Variants in PSME4 observed in about 807,000 individuals in gnomAD.
The protein encoded by PSME4 is proteasome activator subunit 4, also known as proteasome activator complex subunit 4.
PSME4 carries 89 observed loss-of-function variants against 253.9 expected under a neutral mutation model. The ratio of observed to expected loss-of-function variants is 0.35; its 90% CI spans 0.30 to 0.42. PSME4 has a LOEUF of 0.42. PSME4 is among the 10% of genes least tolerant of loss of function. The pLI, the probability that PSME4 is intolerant of heterozygous loss-of-function variation, is 1.00. For synonymous variants in PSME4, 851 were observed against 759.2 expected, an observed-to-expected ratio of 1.12 and a Z score of -1.99; for missense variants, 2,014 against 2,195.2, an observed-to-expected ratio of 0.92 and a Z score of 1.65.
rs751856694 is a variant in PSME4 at position 53,897,966 on chromosome 2, A to G, written c.3510T>C (p.Leu1170=). 24 of 1,613,834 alleles carry G rather than the reference A, an allele frequency of 1.5e-5. No individual in the cohort carries two copies. The South Asian group carries it at 2.0e-4, about 13-fold the overall frequency. ...PWKFEHIGIG[L]LSLLLRDDRV... is the part of the protein sequence containing the mutation. ...GGTCATCTCTCAGCAGTAGAGACAGAAGCCCAATGCCTATATGTTCAAATT... is the reference window on the plus strand; with the variant it reads ...GGTCATCTCTCAGCAGTAGAGACAGGAGCCCAATGCCTATATGTTCAAATT... The change falls in exon 31 of 47, where the codon CTT becomes CTC. Residue 1170 remains leucine (L), a synonymous_variant. Transcript: ENST00000404125.
intron 28 of PSME4, 56 bp from the exon 29 acceptor site, chr2:53,900,073 A>C: frequency 6.7e-7 from 1 of 1,482,836 alleles, no homozygotes; most frequent in African/African-American, 1.4e-5. Context: ...ATACTACCTG[A>C]ACGAACCTTG....
chr2:53,941,031 C>T (rs1235992584), intron 3 of PSME4, among the ~76,000 whole-genome samples: 2 of 115,184 alleles, frequency 1.7e-5, no homozygotes, highest in African/African-American at 6.4e-5. Context: ...AATGTCTCCA[C>T]CTGACACTTT....
intron 29 of PSME4, among the ~76,000 whole-genome samples, chr2:53,899,005 T>TA (rs1052784346): frequency 2.0e-5 from 3 of 151,362 alleles, no homozygotes; most frequent in Non-Finnish European, 2.9e-5. Context: ...ATTACTACCT[T>TA]AAAAAAACAA....
At chr2:53,881,592 C>A (rs1679392288) in intron 41 of PSME4, 1 of 151,862 alleles carries the variant, frequency 6.6e-6, no homozygotes, top group African/African-American at 2.4e-5. Flanking sequence ...AAGCACCTGT[C>A]ACAGGCAGAA....
chr2:53,965,856 C>A (rs1383514491), intron 1 of PSME4, among the ~76,000 whole-genome samples: 1 of 151,610 alleles, frequency 6.6e-6, no homozygotes, highest in African/African-American at 2.4e-5. Flanking sequence ...GTATTTTCAG[C>A]AGAGACGGGG....
chr2:53,958,787 A>G (rs1233759913), intron 1 of PSME4, among the ~76,000 whole-genome samples: 1 of 152,064 alleles, frequency 6.6e-6, no homozygotes, highest in East Asian at 1.9e-4. Context: ...ACACTTTTAG[A>G]CTAAACTTTA....
intron 7 of PSME4, 47 bp downstream of exon 7, chr2:53,936,040 C>T: frequency 2.5e-6 from 4 of 1,579,746 alleles, no homozygotes; most frequent in Non-Finnish European, 2.6e-6. Flanking sequence ...ATTACAGGCG[C>T]CTACCACCCC....
chr2:53,885,048 C>T (rs1016913167), intron 41 of PSME4, among the ~76,000 whole-genome samples: 8 of 152,154 alleles, frequency 5.3e-5, no homozygotes, highest in Non-Finnish European at 1.0e-4. Context: ...TTATGCCAAG[C>T]CTTTCAAATG....
chr2:53,886,603 A>G (rs1679649051), intron 40 of PSME4, among the ~76,000 whole-genome samples: 1 of 152,214 alleles, frequency 6.6e-6, no homozygotes, highest in Admixed American at 6.5e-5. Flanking sequence ...TGCTGACTGG[A>G]ATGTAAAATG....
rs1485310010 is a variant in PSME4, at chr2:53,970,588, T to C, written c.197A>G (p.Gln66Arg). 3.2e-6 allele frequency: 5 copies of C among 1,548,874 alleles called. No homozygotes were observed. Among genetic ancestry groups the C allele is most frequent in the South Asian group, 1.2e-5 (1 of 83,968 alleles). Residue 66 changes from glutamine (Q) to arginine (R), a missense_variant, in exon 1 of 47, where the codon CAA becomes CGA. Physicochemically the swap from Gln to Arg is conservative, Grantham distance 43. Around this residue, in one of 4 missense-constraint regions of PSME4, gnomAD observed 615 missense variants for 594.4 expected, o/e 1.03. Transcript: ENST00000404125. ...GAAGAGGCCCCCGGGCCACAGCTCT[T>C]GGAGCTGCACGGCCCGGCCCAGGTT... ...KCNLGRAVQL[Q>R]ELWPGGLFWT...
At chr2:53,892,493 G>C (rs1252263581) in intron 36 of PSME4, among the ~76,000 whole-genome samples, 1 of 152,162 alleles carries the variant, frequency 6.6e-6, no homozygotes, top group Non-Finnish European at 1.5e-5. Context: ...CATCAGCAGA[G>C]TGACACAGTG....
In PSME4 at chr2:53,864,444, A is replaced by C. The variant is rs1462417478; in HGVS notation, c.*1134T>G. On this transcript the variant is annotated 3_prime_UTR_variant, in exon 47 of 47. Transcript: ENST00000404125. ...ATGATAAGTGAACTGAAAAAAAAAA[A>C]ACCCCACATCTCAGTTTTTGTAACA... is the stretch of plus-strand genomic sequence containing the variant. 1 of 152,546 alleles carries C rather than the reference A, an allele frequency of 6.6e-6. No homozygotes were observed. Among genetic ancestry groups the C allele is most frequent in the African/African-American group, 2.4e-5 (1 of 41,432 alleles). The allele number at this position is 152,546 out of a possible 1,614,324, so 9.4% of individuals were successfully genotyped here.
intron 41 of PSME4, 48 bp from the exon 42 acceptor site, chr2:53,875,803 A>G (rs1309187230): frequency 1.3e-6 from 2 of 1,560,824 alleles, no homozygotes; most frequent in Non-Finnish European, 8.8e-7. Context: ...AATTGCCAAT[A>G]AGTACAAAGG....
chr2:53,888,854 C>A, intron 37 of PSME4, 42 bp from the exon 38 acceptor site: 1 of 1,413,612 alleles, frequency 7.1e-7, no homozygotes, highest in Non-Finnish European at 1.0e-6. Context: ...AGAGAACCTA[C>A]AATTCTGTAA....
intron 8 of PSME4, 199 bp from the exon 9 acceptor site, chr2:53,932,959 A>T (rs565979788): frequency 2.0e-4 from 105 of 519,956 alleles, no homozygotes; most frequent in African/African-American, 1.9e-3. Context: ...ATTCTACTGC[A>T]AATAAGGGCA....
intron 43 of PSME4, among the ~76,000 whole-genome samples, chr2:53,872,860 C>T (rs1678948880): frequency 6.7e-6 from 1 of 149,192 alleles, no homozygotes; most frequent in Non-Finnish European, 1.5e-5. Context: ...ATTGTTTCCA[C>T]TCCTTTAGGT....
chr2:53,962,788 G>A (rs1326287753), intron 1 of PSME4, among the ~76,000 whole-genome samples: 6 of 152,142 alleles, frequency 3.9e-5, no homozygotes, highest in Non-Finnish European at 8.8e-5. Context: ...TGAGGCAGGC[G>A]GATCATGAGG....
At chr2:53,922,995 A>C (rs1668393042) in intron 16 of PSME4, 54 bp downstream of exon 16, 1 of 1,337,230 alleles carries the variant, frequency 7.5e-7, no homozygotes, top group African/African-American at 1.5e-5. Context: ...TTTAGAAACC[A>C]AGAAAAAAAC....
In PSME4 at chr2:53,883,490, G is replaced by A. The variant is rs566536588; in HGVS notation, c.4815+2200C>T. ...AGTGAGACTGTCTCAGAAAAAAGCGGTGGGGGGGTGCGGGGTCCATGTGAT... is the reference window on the plus strand; with the variant it reads ...AGTGAGACTGTCTCAGAAAAAAGCGATGGGGGGGTGCGGGGTCCATGTGAT... On this transcript the variant is annotated intron_variant, in intron 41 of 46. Coordinates refer to ENST00000404125, the MANE Select transcript of PSME4 (RefSeq NM_014614.3). Among the ~76,000 whole-genome samples, 34 of 152,278 alleles carry A rather than the reference G, an allele frequency of 2.2e-4. No individual in the cohort carries two copies. The East Asian group carries it at 6.4e-3, about 29-fold the overall frequency.
Sources: allele counts gnomAD v4.1 joint callset (sites outside exome capture counted in the v4.1 genomes callset), GRCh38; gene constraint gnomAD v4.1.1; regional missense constraint gnomAD v4.1.1; transcripts MANE v1.5; gene names NCBI Gene and HGNC (gene_info 2026-07-23, HGNC 2026-07-21).